The following LRRC38 variants were observed in gnomAD, a reference collection of about 807,000 sequenced individuals.
LRRC38 encodes the protein leucine rich repeat containing 38, also known as leucine-rich repeat-containing protein 38.
Under a neutral mutation model 16.4 loss-of-function variants are expected in LRRC38, and 5 were observed. The observed-to-expected ratio is 0.31, with a 90% CI of 0.16 to 0.64. The LOEUF is 0.64. Among genes scored for constraint, LRRC38 ranks in the 30% least tolerant of loss-of-function variants. The pLI is 0.80. For missense variants in LRRC38, 341 were observed against 401.8 expected (o/e 0.85, Z 1.29); for synonymous variants, 191 against 190.2 (o/e 1.00, Z -0.04).
chr1:13,475,927 G>A lies in LRRC38; in HGVS notation c.804C>T (p.Phe268=), dbSNP rs570524584. The change falls in exon 2 of 2, where the codon TTC becomes TTT. Residue 268 remains phenylalanine (F), a synonymous_variant. Coordinates refer to ENST00000376085, the MANE Select transcript of LRRC38 (RefSeq NM_001010847.2). This position sits in a 1 kb window ranked among gnomAD's most constrained non-coding sequence, Gnocchi z 4.3. The part of the protein sequence containing the change: ...VSIAAIISSF[F]LATVVQCLQR... ...GGAGGCACTGCACCACAGTGGCCAG[G>A]AAGAAGCTGGAGATGATGGCCGCAA... 4 of 1,550,628 alleles carry A rather than the reference G, an allele frequency of 2.6e-6. No homozygotes were observed. In the Admixed American group the frequency reaches 5.9e-5, roughly 23 times the overall value.
rs948513626 is a variant in LRRC38 at position 13,513,397 on chromosome 1, T to C, written c.197A>G (p.Asn66Ser). The C allele has an allele frequency of 2.1e-5, 33 of 1,550,376 alleles. No individual in the cohort carries two copies. Among genetic ancestry groups the C allele is most frequent in the Non-Finnish European group, 2.9e-5 (33 of 1,146,912 alleles). The change falls in exon 1 of 2, where the codon AAC (asparagine) becomes AGC (serine). Residue 66 changes from asparagine to serine, a missense_variant. Transcript: ENST00000376085. ...LDVRKLLVAGNRIQRIPEDFF... is the reference protein window; with the variant it reads ...LDVRKLLVAGSRIQRIPEDFF... The stretch of plus-strand genomic sequence containing the variant: ...GTCCTCGGGGATCCGCTGGATGCGG[T>C]TGCCGGCCACCAGCAGCTTGCGCAC...
At chr1:13,511,353 C>A (rs536965343) in intron 1 of LRRC38, among the ~76,000 whole-genome samples, 1 of 152,114 alleles carries the variant, frequency 6.6e-6, no homozygotes, top group Non-Finnish European at 1.5e-5. Context: ...TAGGCCAGGA[C>A]TTAAATCCAT....
rs1333286303 is a variant in LRRC38 at position 13,497,052 on chromosome 1, GC to G, written c.631+15910del. Among the ~76,000 whole-genome samples, 130 of 152,266 alleles carry G rather than the reference GC, an allele frequency of 8.5e-4. 2 individuals are homozygous for G. Among genetic ancestry groups the G allele is most frequent in the Non-Finnish European group, 5.9e-5 (4 of 68,014 alleles). ...CAAGGAATGACAAGGAATCTGGGGT[GC>G]CCAGGCCAGCGTGAATGAAGGGAGA... On this transcript the variant is annotated intron_variant, in intron 1 of 1. Transcript: ENST00000376085.
In LRRC38 at chr1:13,481,035, A is replaced by G. The variant is rs142399256; in HGVS notation, c.632-4936T>C. Among the ~76,000 whole-genome samples the G allele has an allele frequency of 1.2e-3, 178 of 152,262 alleles. 1 individual carries two copies. The highest frequency in any genetic ancestry group is 3.9e-3 in the African/African-American group (163 of 41,544). On this transcript the variant is annotated intron_variant, in intron 1 of 1. Transcript: ENST00000376085. ...AAGCCCTAGCCCCCAGTGTGATGGT[A>G]TCTGGAGGTGAGGCCTCTGGGAGGC... is the stretch of plus-strand genomic sequence containing the variant.
rs1638954085 is a variant in LRRC38, at chr1:13,487,766, A to G, written c.632-11667T>C. On this transcript the variant is annotated intron_variant, in intron 1 of 1. Coordinates refer to ENST00000376085, the MANE Select transcript of LRRC38 (RefSeq NM_001010847.2). This position sits in a 1 kb window ranked among gnomAD's most constrained non-coding sequence, Gnocchi z 4.4. ...GATTGAGATTAATCTCTTGCACCGGACCGGCCCCTTGCCAACAAACAGGCC... is the reference window on the plus strand; with the variant it reads ...GATTGAGATTAATCTCTTGCACCGGGCCGGCCCCTTGCCAACAAACAGGCC... Among the ~76,000 whole-genome samples, 1 of 152,146 alleles carries G rather than the reference A, an allele frequency of 6.6e-6. No individual in the cohort carries two copies. Among genetic ancestry groups the G allele is most frequent in the Admixed American group, 6.6e-5 (1 of 15,254 alleles).
intron 1 of LRRC38, among the ~76,000 whole-genome samples, chr1:13,511,122 C>T (rs780045729): frequency 8.5e-5 from 13 of 152,272 alleles, no homozygotes; most frequent in Middle Eastern, 3.4e-3. Flanking sequence ...TCCTTCCTCC[C>T]GTCTTTCCTA....
intron 1 of LRRC38, among the ~76,000 whole-genome samples, chr1:13,498,064 G>C (rs903983906): frequency 6.6e-6 from 1 of 151,440 alleles, no homozygotes; most frequent in Non-Finnish European, 1.5e-5. Flanking sequence ...AAATATGGCT[G>C]CTGGAACATC....
At chr1:13,497,858 G>A (rs1305559556) in intron 1 of LRRC38, among the ~76,000 whole-genome samples, 2 of 148,552 alleles carry the variant, frequency 1.3e-5, no homozygotes, top group African/African-American at 5.0e-5. Context: ...CTACTCAGGA[G>A]ATGAGGCAGG....
intron 1 of LRRC38, among the ~76,000 whole-genome samples, chr1:13,480,355 C>CAAA (rs1378486745): frequency 2.0e-5 from 3 of 152,230 alleles, no homozygotes; most frequent in East Asian, 1.9e-4. Context: ...AAAAAATAAA[C>CAAA]AAACTGTCTC....
At chr1:13,504,985 C>T (rs1422116491) in intron 1 of LRRC38, among the ~76,000 whole-genome samples, 1 of 152,128 alleles carries the variant, frequency 6.6e-6, no homozygotes, top group Non-Finnish European at 1.5e-5. Flanking sequence ...CCCACGACTT[C>T]CTGGGGCTTG....
At chr1:13,498,391 G>GGAGGCT (rs1639108216) in intron 1 of LRRC38, among the ~76,000 whole-genome samples, 1 of 152,176 alleles carries the variant, frequency 6.6e-6, no homozygotes, top group Non-Finnish European at 1.5e-5. Context: ...CAGCACTTTG[G>GGAGGCT]GAGGCTGAGG....
intron 1 of LRRC38, among the ~76,000 whole-genome samples, chr1:13,511,911 A>G (rs1470470895): frequency 1.3e-5 from 2 of 152,230 alleles, no homozygotes; most frequent in Non-Finnish European, 2.9e-5. Flanking sequence ...GCAGGAGTTC[A>G]GCACACAGAT....
chr1:13,495,666 C>T (rs924295744), intron 1 of LRRC38, among the ~76,000 whole-genome samples: 1 of 152,138 alleles, frequency 6.6e-6, no homozygotes, highest in Non-Finnish European at 1.5e-5. Context: ...ACACCTGATG[C>T]TCCTTGCAGC....
At chr1:13,498,893 G>A (rs1639113859) in intron 1 of LRRC38, among the ~76,000 whole-genome samples, 1 of 152,180 alleles carries the variant, frequency 6.6e-6, no homozygotes, top group African/African-American at 2.4e-5. Context: ...TAGGAAGAAT[G>A]TGTTCCAGGC....
chr1:13,490,489 C>T (rs1262951417), intron 1 of LRRC38, among the ~76,000 whole-genome samples: 2 of 152,158 alleles, frequency 1.3e-5, no homozygotes, highest in Non-Finnish European at 2.9e-5. Flanking sequence ...GGGAAAAAAG[C>T]ATGAGTTTCC....
rs753766487 is a variant in LRRC38 at position 13,475,876 on chromosome 1, C to T, written c.855G>A (p.Ala285=). Residue 285 remains alanine, a synonymous_variant, in exon 2 of 2, where the codon GCG becomes GCA. Transcript: ENST00000376085. This position sits in a 1 kb window ranked among gnomAD's most constrained non-coding sequence, Gnocchi z 4.3. The part of the protein sequence containing the change: ...CLQRCAPNKD[A]EDEDEDKDD Reference sequence around the variant, plus strand: ...CATCCTTGTCCTCGTCTTCATCCTCCGCATCTTTGTTGGGTGCGCACCTCT... The same window carrying T: ...CATCCTTGTCCTCGTCTTCATCCTCTGCATCTTTGTTGGGTGCGCACCTCT... 29 of 1,550,272 alleles carry T rather than the reference C, an allele frequency of 1.9e-5. No individual in the cohort carries two copies. The highest frequency in any genetic ancestry group is 7.1e-5 in the South Asian group (6 of 84,052).
chr1:13,480,097 C>A (rs1011366149), intron 1 of LRRC38, among the ~76,000 whole-genome samples: 21 of 152,228 alleles, frequency 1.4e-4, no homozygotes, highest in African/African-American at 4.8e-4. Flanking sequence ...GTAATCCCAG[C>A]ACTTTGGGAG....
At position 13,513,581 on chromosome 1, in the gene LRRC38, C is replaced by T; in HGVS notation, c.13G>A (p.Ala5Thr). 8.5e-7 allele frequency: 1 copy of T among 1,180,176 alleles called. No homozygotes were observed. The highest frequency in any genetic ancestry group is 1.0e-6 in the Non-Finnish European group (1 of 955,420). The allele number at this position is 1,180,176 out of a possible 1,614,324, so 73.1% of individuals were successfully genotyped here. The change falls in exon 1 of 2, where the codon GCC (alanine) becomes ACC (threonine). Residue 5 changes from alanine (A) to threonine (T), a missense_variant. Transcript: ENST00000376085. Reference sequence around the variant, plus strand: ...AGCGCCGCGGCGGCGCAGGCTGGGGCTCGGGGGCGCATGGCCGGGGGGCCC... The same window carrying T: ...AGCGCCGCGGCGGCGCAGGCTGGGGTTCGGGGGCGCATGGCCGGGGGGCCC... MRPR[A>T]PACAAAALGL...
At chr1:13,505,252 G>T (rs893782073) in intron 1 of LRRC38, among the ~76,000 whole-genome samples, 1 of 152,126 alleles carries the variant, frequency 6.6e-6, no homozygotes, top group African/African-American at 2.4e-5. Context: ...CACCACTCCC[G>T]CAGCTGGGGG....
Sources: allele counts gnomAD v4.1 joint callset (sites outside exome capture counted in the v4.1 genomes callset), GRCh38; gene constraint gnomAD v4.1.1; non-coding constraint Gnocchi (gnomAD v3.1); transcripts MANE v1.5; gene names NCBI Gene and HGNC (gene_info 2026-07-23, HGNC 2026-07-21).